THOC2: variants seen among roughly 807,000 people sequenced by gnomAD.
The protein encoded by THOC2 is THO complex 2.
Under a neutral mutation model 128.4 loss-of-function variants are expected in THOC2, and 10 were observed. That is an observed-to-expected ratio of 0.08 (90% CI 0.05 to 0.13). The LOEUF (loss-of-function observed/expected upper bound fraction) is 0.13, where lower values mean the gene tolerates loss of function less well. THOC2 is among the 10% of genes least tolerant of loss of function. The pLI, the probability that THOC2 is intolerant of heterozygous loss-of-function variation, is 1.00. For missense variants in THOC2, 535 were observed against 1,155.7 expected (o/e 0.46, Z 7.79); for synonymous variants, 393 against 396.9 (o/e 0.99, Z 0.12).
chrX:123,710,932 G>A (rs1430203143), intron 2 of THOC2, among the ~76,000 whole-genome samples: 1 of 102,922 alleles, frequency 9.7e-6, no homozygotes, highest in Non-Finnish European at 2.0e-5. Context: ...AGAGGTTGCT[G>A]TGAGCCAAGA....
intron 38 of THOC2, among the ~76,000 whole-genome samples, chrX:123,606,595 A>AAAATG (rs763463421): frequency 1.1e-4 from 12 of 111,481 alleles, no homozygotes; most frequent in East Asian, 2.8e-4. Context: ...CTCTGTCTCA[A>AAAATG]AAATGAAATG....
intron 2 of THOC2, among the ~76,000 whole-genome samples, chrX:123,707,959 C>T (rs1022590357): frequency 2.9e-5 from 3 of 104,423 alleles, no homozygotes; most frequent in African/African-American, 1.1e-4. Flanking sequence ...GAGACCTCAT[C>T]TCTACTAAAA....
chrX:123,721,003 T>C (rs973061145), intron 1 of THOC2, among the ~76,000 whole-genome samples: 3 of 111,603 alleles, frequency 2.7e-5, no homozygotes, highest in South Asian at 7.5e-4. Context: ...ATTGTACTTA[T>C]AGTTGACAAT....
rs773376563 is a variant in THOC2 at position 123,668,492 on chromosome X, T to C, written c.862-178A>G. On this transcript the variant is annotated intron_variant, in intron 9 of 38. Transcript: ENST00000245838. ...TTATAATTTGACAGAATGAAGTACCTGAATTCTGTACCCCTTTTAAAATCA... is the reference window on the plus strand; with the variant it reads ...TTATAATTTGACAGAATGAAGTACCCGAATTCTGTACCCCTTTTAAAATCA... 7.1e-5 allele frequency among the ~76,000 whole-genome samples: 8 copies of C among 112,577 alleles called. 1 individual carries two copies. The highest frequency in any genetic ancestry group is 9.4e-5 in the Non-Finnish European group (5 of 53,341).
intron 19 of THOC2, among the ~76,000 whole-genome samples, chrX:123,635,135 G>A (rs950028537): frequency 2.7e-5 from 3 of 110,825 alleles, no homozygotes; most frequent in African/African-American, 9.8e-5. Context: ...ATGAAAACTA[G>A]TATATAAGTA....
chrX:123,679,622 T>C (rs2049663657), intron 8 of THOC2, among the ~76,000 whole-genome samples: 1 of 112,024 alleles, frequency 8.9e-6, no homozygotes, highest in Admixed American at 9.5e-5. Context: ...ACCAGGTCCG[T>C]ATATCCAATT....
At chrX:123,677,753 C>T (rs779521178) in intron 8 of THOC2, among the ~76,000 whole-genome samples, 3 of 109,235 alleles carry the variant, frequency 2.7e-5, no homozygotes, top group Admixed American at 2.0e-4. Context: ...GCCTGTAATC[C>T]CAGCTACTTG....
At chrX:123,612,064 C>T in intron 36 of THOC2, among the ~76,000 whole-genome samples, 1 of 111,450 alleles carries the variant, frequency 9.0e-6, no homozygotes, top group East Asian at 2.8e-4. Flanking sequence ...CACTCTGATA[C>T]TTTGTTGGTA....
At chrX:123,695,014 G>C (rs2050395299) in intron 7 of THOC2, among the ~76,000 whole-genome samples, 1 of 111,951 alleles carries the variant, frequency 8.9e-6, no homozygotes. Flanking sequence ...CTTACTTGTT[G>C]GTAAGAACAA....
At chrX:123,668,426 T>C (rs1265084037) in intron 9 of THOC2, 112 bp from the exon 10 acceptor site, 9 of 455,342 alleles carry the variant, frequency 2.0e-5, no homozygotes. Context: ...GTCTAACTTA[T>C]TCGTGACCAT....
intron 8 of THOC2, among the ~76,000 whole-genome samples, chrX:123,680,476 G>A (rs1399929733): frequency 2.7e-5 from 3 of 109,850 alleles, no homozygotes; most frequent in African/African-American, 1.0e-4. Flanking sequence ...AGGGAACTCA[G>A]AGGCCGGCAT....
chrX:123,620,026 AAG>A (rs926436042), intron 32 of THOC2: 1 of 111,518 alleles, frequency 9.0e-6, no homozygotes, highest in African/African-American at 3.3e-5. Context: ...ATTAAAAAAA[AAG>A]AAAGAAAAAG....
intron 7 of THOC2, among the ~76,000 whole-genome samples, chrX:123,691,420 T>G (rs1003423413): frequency 1.8e-5 from 2 of 111,971 alleles, no homozygotes; most frequent in Non-Finnish European, 3.8e-5. Flanking sequence ...CTAAGTTGAA[T>G]GGACCCTATA....
chrX:123,631,660 G>C (rs1476148709), intron 22 of THOC2, 28 bp downstream of exon 22: 1 of 1,195,821 alleles, frequency 8.4e-7, no homozygotes, highest in African/African-American at 1.8e-5. Context: ...GATCGTTCTT[G>C]AGCGGCAGCA....
chrX:123,630,612 CAAAAAAAAAAAA>C (rs57639724), intron 22 of THOC2, among the ~76,000 whole-genome samples: 677 of 16,069 alleles, frequency 0.042, 3 homozygotes, highest in Middle Eastern at 0.22. Flanking sequence ...GACTCCATCT[CAAAAAAAAAAAA>C]AAAAAAAAAA....
chrX:123,696,881 A>G, intron 5 of THOC2, 39 bp from the exon 6 acceptor site: 1 of 1,054,119 alleles, frequency 9.5e-7, no homozygotes, highest in Non-Finnish European at 1.3e-6. Context: ...ATTCCTTAGC[A>G]TTGCATCCAC....
intron 36 of THOC2, 83 bp downstream of exon 36, chrX:123,613,316 G>A (rs1438521319): frequency 1.0e-6 from 1 of 1,000,572 alleles, no homozygotes; most frequent in Non-Finnish European, 1.4e-6. Context: ...TATAGGACTA[G>A]GAAAAAAATT....
chrX:123,690,131 T>C (rs2050160792), intron 7 of THOC2, among the ~76,000 whole-genome samples: 1 of 111,416 alleles, frequency 9.0e-6, no homozygotes. Context: ...ACTGCAGATC[T>C]ACAATGGCCA....
intron 32 of THOC2, chrX:123,620,642 G>A (rs945281659): frequency 1.0e-5 from 3 of 287,005 alleles, no homozygotes; most frequent in African/African-American, 8.3e-5. Context: ...AAGCAGTTGA[G>A]GCACTTCTGG....
Sources: gnomAD v4.1 joint callset for allele counts (sites outside exome capture counted in the v4.1 genomes callset) on GRCh38, gnomAD v4.1.1 for gene constraint, MANE v1.5 for transcripts, NCBI Gene and HGNC (gene_info 2026-07-23, HGNC 2026-07-21) for gene names.